The following HS6ST3 variants were observed in gnomAD, a reference collection of about 807,000 sequenced individuals.
The protein encoded by HS6ST3 is heparan sulfate 6-O-sulfotransferase 3.
Under a neutral mutation model 36.7 loss-of-function variants are expected in HS6ST3, and 12 were observed. The observed-to-expected ratio is 0.33, with a 90% CI of 0.21 to 0.53. The LOEUF (loss-of-function observed/expected upper bound fraction) is 0.53. HS6ST3 is among the 20% of genes least tolerant of loss of function. The pLI, the probability that HS6ST3 is intolerant of heterozygous loss-of-function variation, is 0.95. For missense variants in HS6ST3, 584 were observed against 640.9 expected, an observed-to-expected ratio of 0.91 and a Z score of 0.96; for synonymous variants, 240 against 257.5, an observed-to-expected ratio of 0.93 and a Z score of 0.65.
At chr13:96,479,514 G>A (rs1215425211) in intron 1 of HS6ST3, among the ~76,000 whole-genome samples, 1 of 152,168 alleles carries the variant, frequency 6.6e-6, no homozygotes, top group Non-Finnish European at 1.5e-5. Flanking sequence ...ACAGGAAAAT[G>A]GATTAGAATG....
intron 1 of HS6ST3, among the ~76,000 whole-genome samples, chr13:96,315,791 A>G (rs1236849237): frequency 6.6e-6 from 1 of 152,112 alleles, no homozygotes; most frequent in African/African-American, 2.4e-5. Flanking sequence ...CAGCATTTTC[A>G]ATAGCAAGCT....
At chr13:96,315,324 A>G (rs2054963069) in intron 1 of HS6ST3, among the ~76,000 whole-genome samples, 1 of 152,226 alleles carries the variant, frequency 6.6e-6, no homozygotes, top group South Asian at 2.1e-4. Flanking sequence ...AAGTTTAAAC[A>G]TAGCCAATTA....
intron 1 of HS6ST3, among the ~76,000 whole-genome samples, chr13:96,778,861 C>G (rs748070558): frequency 2.0e-5 from 3 of 152,150 alleles, no homozygotes; most frequent in Non-Finnish European, 4.4e-5. Context: ...TCTAAAGACA[C>G]ATGCACACAT....
At chr13:96,162,749 A>G (rs1176753427) in intron 1 of HS6ST3, among the ~76,000 whole-genome samples, 1 of 152,216 alleles carries the variant, frequency 6.6e-6, no homozygotes, top group African/African-American at 2.4e-5. Context: ...GTTAAGATGA[A>G]AGGCAACACA....
intron 1 of HS6ST3, among the ~76,000 whole-genome samples, chr13:96,731,222 G>A (rs551958239): frequency 2.6e-5 from 4 of 152,090 alleles, no homozygotes; most frequent in Non-Finnish European, 5.9e-5. Flanking sequence ...AGTTTAACCA[G>A]CATCTCCTCA....
intron 1 of HS6ST3, among the ~76,000 whole-genome samples, chr13:96,404,297 G>A (rs78732551): frequency 4.2e-4 from 64 of 152,210 alleles, no homozygotes; most frequent in Admixed American, 9.8e-4. Context: ...TTATATGCCC[G>A]TAGGACACAA....
chr13:96,372,261 T>G (rs973780952), intron 1 of HS6ST3, among the ~76,000 whole-genome samples: 41 of 152,318 alleles, frequency 2.7e-4, no homozygotes, highest in Non-Finnish European at 5.1e-4. Context: ...TTTGCATACC[T>G]GTTGGCCATT....
chr13:96,420,505 T>A (rs2055557296), intron 1 of HS6ST3, among the ~76,000 whole-genome samples: 1 of 152,212 alleles, frequency 6.6e-6, no homozygotes, highest in Admixed American at 6.5e-5. Flanking sequence ...TTGCTTATTT[T>A]GCTAGTTTGG....
intron 1 of HS6ST3, among the ~76,000 whole-genome samples, chr13:96,595,441 G>C (rs1264686247): frequency 6.6e-6 from 1 of 150,898 alleles, no homozygotes; most frequent in Non-Finnish European, 1.5e-5. Context: ...TTTTTCTCTT[G>C]CTGCTTTCAG....
At chr13:96,780,294 A>C (rs944161904) in intron 1 of HS6ST3, among the ~76,000 whole-genome samples, 2 of 152,206 alleles carry the variant, frequency 1.3e-5, no homozygotes, top group Non-Finnish European at 2.9e-5. Flanking sequence ...AGCTTAGGTT[A>C]GTCGTAGTTT....
rs2053753576 is a variant in HS6ST3, at chr13:96,090,257, G to A, written c.-606G>A. The stretch of plus-strand genomic sequence containing the variant: ...TCGCCCGCTGCCGCTGCGCTGCGGG[G>A]GCCGCTCTGCAAACTTGCGGCGAGC... On this transcript the variant is annotated 5_prime_UTR_variant, in exon 1 of 2. Transcript: ENST00000376705. 6.6e-6 allele frequency among the ~76,000 whole-genome samples: 1 copy of A among 151,512 alleles called. No homozygotes were observed. The highest frequency in any genetic ancestry group is 2.1e-4 in the South Asian group (1 of 4,828).
intron 1 of HS6ST3, among the ~76,000 whole-genome samples, chr13:96,725,645 A>G (rs1464715789): frequency 6.6e-6 from 1 of 151,880 alleles, no homozygotes; most frequent in East Asian, 1.9e-4. Context: ...TCTTTTGTTG[A>G]GAACACAGTT....
At chr13:96,436,462 A>G (rs2055643001) in intron 1 of HS6ST3, among the ~76,000 whole-genome samples, 2 of 152,174 alleles carry the variant, frequency 1.3e-5, no homozygotes, top group African/African-American at 4.8e-5. Flanking sequence ...AAAACCAAAC[A>G]CACCGATGTT....
intron 1 of HS6ST3, among the ~76,000 whole-genome samples, chr13:96,555,134 T>A (rs7323727): frequency 0.077 from 11,752 of 151,716 alleles, 800 homozygotes; most frequent in African/African-American, 0.18. Context: ...TTCTGCAGAG[T>A]AAAGTGGGAT....
At chr13:96,356,050 A>C (rs2055208540) in intron 1 of HS6ST3, among the ~76,000 whole-genome samples, 1 of 152,240 alleles carries the variant, frequency 6.6e-6, no homozygotes, top group Admixed American at 6.5e-5. Flanking sequence ...ATGAGATTGC[A>C]GCAATTCAGC....
At chr13:96,114,317 T>C (rs927747214) in intron 1 of HS6ST3, among the ~76,000 whole-genome samples, 2 of 152,042 alleles carry the variant, frequency 1.3e-5, no homozygotes, top group African/African-American at 4.8e-5. Context: ...GCCTGGCTAA[T>C]TTTTTCATTT....
chr13:96,355,208 C>G (rs899597492), intron 1 of HS6ST3, among the ~76,000 whole-genome samples: 8 of 152,136 alleles, frequency 5.3e-5, no homozygotes, highest in African/African-American at 1.9e-4. Flanking sequence ...ACTCATCACT[C>G]TCAGTGCCAT....
intron 1 of HS6ST3, among the ~76,000 whole-genome samples, chr13:96,390,848 C>G (rs1296511004): frequency 6.6e-6 from 1 of 152,184 alleles, no homozygotes; most frequent in Non-Finnish European, 1.5e-5. Context: ...TTTGGTCCGT[C>G]TCATACAGTT....
intron 1 of HS6ST3, among the ~76,000 whole-genome samples, chr13:96,529,803 T>C (rs949905336): frequency 6.6e-6 from 1 of 152,226 alleles, no homozygotes; most frequent in African/African-American, 2.4e-5. Flanking sequence ...TTTCTTAGCA[T>C]AAATTTAGAT....
Sources: allele counts gnomAD v4.1 joint callset (sites outside exome capture counted in the v4.1 genomes callset), GRCh38; gene constraint gnomAD v4.1.1; transcripts MANE v1.5; gene names NCBI Gene and HGNC (gene_info 2026-07-23, HGNC 2026-07-21).